Variants in CACNA2D3 observed in about 807,000 individuals in gnomAD.
CACNA2D3 encodes calcium voltage-gated channel auxiliary subunit alpha2delta 3.
Under a neutral mutation model 160.6 loss-of-function variants are expected in CACNA2D3, and 60 were observed. The ratio of observed to expected loss-of-function variants is 0.37; its 90% CI spans 0.30 to 0.46. CACNA2D3 has a LOEUF of 0.46. CACNA2D3 is among the 20% of genes least tolerant of loss of function. The pLI, the probability that CACNA2D3 is intolerant of heterozygous loss-of-function variation, is 1.00. For synonymous variants in CACNA2D3, 558 were observed against 492.9 expected (o/e 1.13, Z -1.75); for missense variants, 1,205 against 1,365.0 (o/e 0.88, Z 1.85).
At chr3:54,717,337 T>C (rs1701068778) in intron 11 of CACNA2D3, among the ~76,000 whole-genome samples, 1 of 152,250 alleles carries the variant, frequency 6.6e-6, no homozygotes, top group Non-Finnish European at 1.5e-5. Context: ...TATTAGGGAA[T>C]ATCCAGGAGT....
chr3:54,384,579 C>T (rs771479574), intron 3 of CACNA2D3, among the ~76,000 whole-genome samples: 23 of 152,264 alleles, frequency 1.5e-4, no homozygotes, highest in African/African-American at 3.9e-4. Flanking sequence ...ACCCAATGAA[C>T]GCTTGGGGCC....
intron 11 of CACNA2D3, among the ~76,000 whole-genome samples, chr3:54,671,728 G>A (rs923872696): frequency 6.6e-6 from 1 of 152,182 alleles, no homozygotes; most frequent in Admixed American, 6.5e-5. Context: ...AGGGGACAAA[G>A]TCATTCCCTA....
intron 35 of CACNA2D3, among the ~76,000 whole-genome samples, chr3:55,049,771 A>G (rs949781999): frequency 2.0e-5 from 3 of 149,646 alleles, no homozygotes; most frequent in African/African-American, 7.4e-5. Context: ...GACTTGCTTT[A>G]TGAATCTGGG....
intron 13 of CACNA2D3, among the ~76,000 whole-genome samples, chr3:54,806,460 C>G (rs546649066): frequency 6.6e-6 from 1 of 152,078 alleles, no homozygotes; most frequent in Non-Finnish European, 1.5e-5. Flanking sequence ...ACAATTGCTT[C>G]AAAGAGAATA....
chr3:54,279,837 T>C (rs1349385577), intron 2 of CACNA2D3, among the ~76,000 whole-genome samples: 1 of 152,196 alleles, frequency 6.6e-6, no homozygotes, highest in Non-Finnish European at 1.5e-5. Flanking sequence ...GTTGGTAGAC[T>C]GTGATCAGCA....
intron 3 of CACNA2D3, among the ~76,000 whole-genome samples, chr3:54,380,946 T>G (rs1472105707): frequency 6.6e-6 from 1 of 152,170 alleles, no homozygotes; most frequent in Non-Finnish European, 1.5e-5. Context: ...AGTTAACCCT[T>G]CGTGTAGCCC....
At chr3:54,167,845 A>G (rs977519341) in intron 2 of CACNA2D3, among the ~76,000 whole-genome samples, 4 of 152,256 alleles carry the variant, frequency 2.6e-5, no homozygotes, top group African/African-American at 9.6e-5. Flanking sequence ...GCATTAGAAC[A>G]GAAGACCTTA....
intron 11 of CACNA2D3, among the ~76,000 whole-genome samples, chr3:54,749,000 T>G (rs1701808463): frequency 6.6e-6 from 1 of 152,234 alleles, no homozygotes; most frequent in Non-Finnish European, 1.5e-5. Context: ...AGGACTTAAT[T>G]TCCACATGTC....
chr3:54,830,134 G>A (rs371525091), intron 14 of CACNA2D3, among the ~76,000 whole-genome samples: 1 of 151,820 alleles, frequency 6.6e-6, no homozygotes, highest in Non-Finnish European at 1.5e-5. Context: ...TAGTAGAGAC[G>A]GGATTTCACC....
intron 13 of CACNA2D3, among the ~76,000 whole-genome samples, chr3:54,797,487 A>G (rs1200895156): frequency 6.6e-6 from 1 of 152,224 alleles, no homozygotes; most frequent in African/African-American, 2.4e-5. Context: ...CGATTCAGCC[A>G]TAAAAATCTG....
intron 35 of CACNA2D3, among the ~76,000 whole-genome samples, chr3:55,053,572 T>C (rs1704285076): frequency 6.6e-6 from 1 of 152,012 alleles, no homozygotes; most frequent in Non-Finnish European, 1.5e-5. Flanking sequence ...GTAGTATTAC[T>C]TCATTTTCCA....
At chr3:54,764,778 A>G (rs572626966) in intron 13 of CACNA2D3, among the ~76,000 whole-genome samples, 17 of 152,324 alleles carry the variant, frequency 1.1e-4, no homozygotes, top group African/African-American at 3.8e-4. Context: ...TGGGGCCACC[A>G]TGGAGGCTAC....
At chr3:54,379,404 A>G (rs1485017385) in intron 3 of CACNA2D3, among the ~76,000 whole-genome samples, 1 of 152,220 alleles carries the variant, frequency 6.6e-6, no homozygotes, top group African/African-American at 2.4e-5. Context: ...TGCCATTTCT[A>G]TTGGAATCGA....
intron 9 of CACNA2D3, chr3:54,626,181 G>T: frequency 2.8e-6 from 2 of 724,670 alleles, no homozygotes; most frequent in Non-Finnish European, 2.5e-6. Flanking sequence ...GCGCAGGCGC[G>T]GACCAGAGAG....
chr3:54,433,707 C>G (rs563174397), intron 4 of CACNA2D3, among the ~76,000 whole-genome samples: 1 of 152,316 alleles, frequency 6.6e-6, no homozygotes, highest in Non-Finnish European at 1.5e-5. Flanking sequence ...TCTGAGTTTC[C>G]TTGTTACTTC....
At chr3:55,014,664 G>A (rs1240629052) in intron 34 of CACNA2D3, among the ~76,000 whole-genome samples, 5 of 152,198 alleles carry the variant, frequency 3.3e-5, no homozygotes, top group South Asian at 2.1e-4. Context: ...CCCAGGAGGC[G>A]GAGGTTGCAG....
intron 2 of CACNA2D3, among the ~76,000 whole-genome samples, chr3:54,173,755 G>A (rs1700616931): frequency 6.6e-6 from 1 of 152,242 alleles, no homozygotes; most frequent in African/African-American, 2.4e-5. Context: ...AGAAAGAGCT[G>A]AGGAAGCTCA....
At chr3:54,744,452 G>A (rs982428484) in intron 11 of CACNA2D3, among the ~76,000 whole-genome samples, 2 of 152,142 alleles carry the variant, frequency 1.3e-5, no homozygotes, top group East Asian at 3.8e-4. Flanking sequence ...TGGATTTTGC[G>A]GGGAGGAAGT....
intron 13 of CACNA2D3, among the ~76,000 whole-genome samples, chr3:54,783,660 G>A (rs897396005): frequency 1.6e-4 from 24 of 151,872 alleles, no homozygotes; most frequent in Admixed American, 7.9e-4. Context: ...TGAAAACTCT[G>A]GAACCTAACT....
Sources: gnomAD v4.1 joint callset for allele counts (sites outside exome capture counted in the v4.1 genomes callset) on GRCh38, gnomAD v4.1.1 for gene constraint, MANE v1.5 for transcripts, NCBI Gene and HGNC (gene_info 2026-07-23, HGNC 2026-07-21) for gene names.